The following COL23A1 variants were observed in gnomAD, a reference collection of about 807,000 sequenced individuals.
COL23A1 encodes the protein collagen type XXIII alpha 1 chain.
Under a neutral mutation model 99.3 loss-of-function variants are expected in COL23A1, and 97 were observed. That is an observed-to-expected ratio of 0.98 (90% CI 0.83 to 1.16). COL23A1 has a LOEUF of 1.16. Ranked by LOEUF, COL23A1 falls within the 50% of genes most tolerant of loss-of-function variation. The probability of loss-of-function intolerance (pLI) is 0.00; values close to 1 mark genes in which losing one functional copy is unlikely to be tolerated. For synonymous variants in COL23A1, 320 were observed against 308.2 expected (o/e 1.04, Z -0.40); for missense variants, 762 against 757.4 (o/e 1.01, Z -0.07).
intron 2 of COL23A1, among the ~76,000 whole-genome samples, chr5:178,540,306 A>G (rs1057278941): frequency 2.6e-5 from 4 of 152,228 alleles, no homozygotes; most frequent in Non-Finnish European, 5.9e-5. Flanking sequence ...TACATGTGGC[A>G]AGGTAACTAG....
intron 2 of COL23A1, among the ~76,000 whole-genome samples, chr5:178,399,472 CTT>C (rs1223836588): frequency 1.3e-5 from 2 of 152,218 alleles, no homozygotes; most frequent in African/African-American, 2.4e-5. Context: ...GCCAGTCTCT[CTT>C]GTTTGTGACT....
At chr5:178,393,132 A>T (rs1469370106) in intron 2 of COL23A1, among the ~76,000 whole-genome samples, 1 of 152,232 alleles carries the variant, frequency 6.6e-6, no homozygotes, top group South Asian at 2.1e-4. Context: ...TGTTGCATGC[A>T]TATAAAACAT....
intron 2 of COL23A1, among the ~76,000 whole-genome samples, chr5:178,402,107 C>A (rs537605460): frequency 1.3e-5 from 2 of 152,134 alleles, no homozygotes; most frequent in East Asian, 1.9e-4. Context: ...TGAGCCACCG[C>A]GCCCAGCTGC....
At chr5:178,402,795 CGTATCAAA>C (rs1231107026) in intron 2 of COL23A1, among the ~76,000 whole-genome samples, 1 of 151,904 alleles carries the variant, frequency 6.6e-6, no homozygotes, top group Non-Finnish European at 1.5e-5. Context: ...ATTATATGAA[CGTATCAAA>C]ATATCACGTT....
chr5:178,406,717 C>T (rs570665317), intron 2 of COL23A1, among the ~76,000 whole-genome samples: 10 of 152,190 alleles, frequency 6.6e-5, no homozygotes, highest in East Asian at 3.9e-4. Flanking sequence ...CATGAGTCAC[C>T]GCGCCTGGCT....
chr5:178,588,650 A>G (rs1210870746), intron 1 of COL23A1, among the ~76,000 whole-genome samples: 1 of 152,260 alleles, frequency 6.6e-6, no homozygotes, highest in Non-Finnish European at 1.5e-5. Flanking sequence ...AATTTTACCC[A>G]GAACCCAGCT....
intron 2 of COL23A1, among the ~76,000 whole-genome samples, chr5:178,398,754 TATG>T (rs1227454903): frequency 2.0e-5 from 3 of 152,254 alleles, no homozygotes; most frequent in African/African-American, 7.2e-5. Flanking sequence ...CACTATTTAT[TATG>T]AAATTAAAAG....
chr5:178,277,776 G>A (rs993376881), intron 5 of COL23A1, among the ~76,000 whole-genome samples: 2 of 78,378 alleles, frequency 2.6e-5, no homozygotes, highest in Non-Finnish European at 6.2e-5. Flanking sequence ...CCTTTGAACC[G>A]ATCCCAAAAA....
At chr5:178,397,593 C>T (rs907570087) in intron 2 of COL23A1, among the ~76,000 whole-genome samples, 4 of 152,190 alleles carry the variant, frequency 2.6e-5, no homozygotes, top group African/African-American at 7.2e-5. Context: ...CCTGGATAAC[C>T]GTTACATGCC....
At chr5:178,479,653 G>A (rs982627875) in intron 2 of COL23A1, among the ~76,000 whole-genome samples, 6 of 152,126 alleles carry the variant, frequency 3.9e-5, no homozygotes, top group Non-Finnish European at 8.8e-5. Context: ...TTGAAATTCT[G>A]TAATATTAAG....
chr5:178,505,389 A>G (rs1411456358), intron 2 of COL23A1, among the ~76,000 whole-genome samples: 3 of 151,992 alleles, frequency 2.0e-5, no homozygotes, highest in Non-Finnish European at 2.9e-5. Context: ...ACCTGGGATT[A>G]CAGGCGCACA....
At chr5:178,269,368 C>A in intron 6 of COL23A1, among the ~76,000 whole-genome samples, 1 of 49,270 alleles carries the variant, frequency 2.0e-5, no homozygotes, top group East Asian at 3.1e-4. Context: ...CCCATCCACC[C>A]ACCCATCTAT....
chr5:178,449,546 A>AC (rs1424826571), intron 2 of COL23A1, among the ~76,000 whole-genome samples: 1 of 134,076 alleles, frequency 7.5e-6, no homozygotes, highest in East Asian at 2.3e-4. Context: ...CATTCCCCCC[A>AC]CCCCCCTAAA....
At chr5:178,304,417 T>A (rs1447741269) in intron 3 of COL23A1, among the ~76,000 whole-genome samples, 1 of 142,742 alleles carries the variant, frequency 7.0e-6, no homozygotes, top group East Asian at 2.0e-4. Flanking sequence ...GGCTGAGACA[T>A]GAGAATCGCT....
At chr5:178,534,316 G>C (rs193012040) in intron 2 of COL23A1, among the ~76,000 whole-genome samples, 9 of 152,218 alleles carry the variant, frequency 5.9e-5, no homozygotes, top group African/African-American at 1.9e-4. Flanking sequence ...ACTCATGAGA[G>C]CTCCACCGTC....
intron 2 of COL23A1, among the ~76,000 whole-genome samples, chr5:178,484,138 C>T (rs1210571320): frequency 2.6e-5 from 4 of 152,106 alleles, no homozygotes; most frequent in Admixed American, 6.5e-5. Context: ...GTTGGCCAGG[C>T]TGGTCTTGAA....
At chr5:178,290,130 C>CTA (rs753717119) in intron 4 of COL23A1, among the ~76,000 whole-genome samples, 45 of 152,240 alleles carry the variant, frequency 3.0e-4, no homozygotes, top group Non-Finnish European at 6.3e-4. Flanking sequence ...CGAGGTCTCA[C>CTA]TATGTTGGCC....
chr5:178,361,877 C>A (rs1415151826), intron 2 of COL23A1, among the ~76,000 whole-genome samples: 1 of 152,186 alleles, frequency 6.6e-6, no homozygotes, highest in Non-Finnish European at 1.5e-5. Flanking sequence ...GGCTCCACAT[C>A]CTGACATTCC....
chr5:178,282,938 T>C (rs1461060306), intron 5 of COL23A1, among the ~76,000 whole-genome samples: 1 of 152,176 alleles, frequency 6.6e-6, no homozygotes, highest in Non-Finnish European at 1.5e-5. Context: ...TGGCGTAATC[T>C]TGGCTCACTG....
Sources: allele counts gnomAD v4.1 joint callset (sites outside exome capture counted in the v4.1 genomes callset), GRCh38; gene constraint gnomAD v4.1.1; transcripts MANE v1.5; gene names NCBI Gene and HGNC (gene_info 2026-07-23, HGNC 2026-07-21).